The following CHRNA4 variants were observed in gnomAD, a reference collection of about 807,000 sequenced individuals.
CHRNA4 encodes neuronal acetylcholine receptor subunit alpha-4.
A neutral mutation model predicts 48.9 loss-of-function variants in CHRNA4; 28 were observed. The ratio of observed to expected loss-of-function variants is 0.57; its 90% CI spans 0.42 to 0.79. The LOEUF (loss-of-function observed/expected upper bound fraction) is 0.79. Among genes scored for constraint, CHRNA4 ranks in the 30% least tolerant of loss-of-function variants. The pLI is 0.00. For synonymous variants in CHRNA4, 425 were observed against 402.3 expected (o/e 1.06, Z -0.68); for missense variants, 859 against 898.4 (o/e 0.96, Z 0.56).
intron 1 of CHRNA4, 126 bp downstream of exon 1, chr20:63,360,964 G>T: frequency 1.3e-6 from 1 of 771,658 alleles, no homozygotes; most frequent in Non-Finnish European, 1.8e-6. Context: ...GGAGCCTCGC[G>T]GTCGCCCAGT....
At chr20:63,355,499 T>A in intron 4 of CHRNA4, 1 of 1,289,610 alleles carries the variant, frequency 7.8e-7, no homozygotes, top group Non-Finnish European at 1.0e-6. Flanking sequence ...TCCTCACCCC[T>A]CTCCAGGGCA....
rs763312247 is a variant in CHRNA4, at chr20:63,343,601, C to A, written c.*3137G>T. The A allele has an allele frequency of 2.2e-6, 1 of 454,072 alleles. No homozygotes were observed. Among genetic ancestry groups the A allele is most frequent in the East Asian group, 6.9e-5 (1 of 14,400 alleles). 28.1% of individuals were successfully genotyped at this position (454,072 alleles called of 1,614,324 possible). On this transcript the variant is annotated 3_prime_UTR_variant, in exon 6 of 6. Coordinates refer to ENST00000370263, the MANE Select transcript of CHRNA4 (RefSeq NM_000744.7). ...CAGCCATTGAGAGATTACCACGCTTCCTGAGAGGAGGGCCACGTCGCCCCA... is the reference window on the plus strand; with the variant it reads ...CAGCCATTGAGAGATTACCACGCTTACTGAGAGGAGGGCCACGTCGCCCCA...
At chr20:63,349,480 G>A (rs893509603) in intron 5 of CHRNA4, 173 bp downstream of exon 5, 28 of 852,094 alleles carry the variant, frequency 3.3e-5, no homozygotes, top group Admixed American at 1.6e-4. Context: ...TGGGACCTGC[G>A]GCCACATAGC....
chr20:63,350,638 G>C lies in CHRNA4; in HGVS notation c.773C>G (p.Ser258Cys). The change falls in exon 5 of 6, where the codon TCC (serine) becomes TGC (cysteine). Residue 258 changes from serine (S) to cysteine (C), a missense_variant. This residue lies in a region of CHRNA4 where 342 missense variants were observed against 365.3 expected (regional missense o/e 0.94). Transcript: ENST00000370263. ...GTAGAAGACCAGCACGGTGAGGCAGGAGATGAGCAGGCAGGGGATGATGAG... is the reference window on the plus strand; with the variant it reads ...GTAGAAGACCAGCACGGTGAGGCAGCAGATGAGCAGGCAGGGGATGATGAG... Reference protein sequence around the residue: ...INLIIPCLLISCLTVLVFYLP... With the variant: ...INLIIPCLLICCLTVLVFYLP... 1 of 1,614,070 alleles carries C rather than the reference G, an allele frequency of 6.2e-7. No individual in the cohort carries two copies. The highest frequency in any genetic ancestry group is 8.5e-7 in the Non-Finnish European group (1 of 1,180,028).
At position 63,350,054 on chromosome 20, in the gene CHRNA4, G is replaced by C; in HGVS notation, c.1357C>G (p.His453Asp). The change falls in exon 5 of 6, where the codon CAC (histidine) becomes GAC (aspartate). Residue 453 changes from histidine to aspartate, a missense_variant. His to Asp is a moderately conservative substitution (Grantham distance 81). Coordinates refer to ENST00000370263, the MANE Select transcript of CHRNA4 (RefSeq NM_000744.7). The part of the protein sequence containing the change: ...HPSPGPCRPP[H>D]GTQAPGLAKA... ...GCCAGCCCTGGTGCCTGGGTGCCGT[G>C]GGGCGGGCGGCAGGGTCCAGGCGAG... 6.6e-7 allele frequency: 1 copy of C among 1,511,918 alleles called. No homozygotes were observed. Among genetic ancestry groups the C allele is most frequent in the Non-Finnish European group, 8.9e-7 (1 of 1,128,986 alleles). The allele number at this position is 1,511,918 out of a possible 1,614,324, so 93.7% of individuals were successfully genotyped here.
rs2068434309 is a variant in CHRNA4 at position 63,343,299 on chromosome 20, G to A, written c.*3439C>T. The stretch of plus-strand genomic sequence containing the variant: ...TTCCAGGGCTTGGCAGACATTGCCT[G>A]CAGAAGCCGGGCGGCCGCACCTGGG... On this transcript the variant is annotated 3_prime_UTR_variant, in exon 6 of 6. Transcript: ENST00000370263. The A allele has an allele frequency of 4.5e-6, 2 of 445,972 alleles. No individual in the cohort carries two copies. 27.6% of individuals were successfully genotyped at this position (445,972 alleles called of 1,614,324 possible). A position where few individuals can be genotyped will look rare whatever the true frequency, so the allele number is the denominator to read the frequency against.
chr20:63,346,852 G>A lies in CHRNA4; in HGVS notation c.1770C>T (p.Asp590=). The change falls in exon 6 of 6, where the codon GAC becomes GAT. Residue 590 remains aspartate, a synonymous_variant. Coordinates refer to ENST00000370263, the MANE Select transcript of CHRNA4 (RefSeq NM_000744.7). ...AEDTDFSVKE[D]WKYVAMVIDR... ...CGATGACCATGGCCACGTACTTCCA[G>A]TCCTCCTTCACCTGCAAGCACAGAC... 1 of 1,612,562 alleles carries A rather than the reference G, an allele frequency of 6.2e-7. No homozygotes were observed. The highest frequency in any genetic ancestry group is 1.1e-5 in the South Asian group (1 of 91,070).
intron 2 of CHRNA4, among the ~76,000 whole-genome samples, chr20:63,357,814 T>TGC (rs1230128874): frequency 6.6e-6 from 1 of 152,146 alleles, no homozygotes; most frequent in Non-Finnish European, 1.5e-5. Flanking sequence ...CACGTGTGCA[T>TGC]GTTCGTGTAA....
chr20:63,355,995 C>T lies in CHRNA4; in HGVS notation c.363G>A (p.Pro121=), dbSNP rs149936966. 4.2e-5 allele frequency: 67 copies of T among 1,611,492 alleles called. No homozygotes were observed. The Admixed American group carries it at 8.3e-4, about 20-fold the overall frequency. ...IRIPSELIWR[P]DIVLYNNADG... ...CTCACTTGTTGTAGAGGACGATGTC[C>T]GGCCGCCAGATGAGCTCGGAGGGGA... The change falls in exon 4 of 6, where the codon CCG becomes CCA. Residue 121 remains proline, a synonymous_variant. Transcript: ENST00000370263.
At chr20:63,355,618 C>T (rs1250346609) in intron 4 of CHRNA4, 20 of 1,308,968 alleles carry the variant, frequency 1.5e-5, no homozygotes, top group East Asian at 1.5e-4. Context: ...GGGGCAAAGA[C>T]GTCGCGGGTC....
intron 2 of CHRNA4, chr20:63,356,658 G>A: frequency 1.7e-6 from 1 of 588,942 alleles, no homozygotes; most frequent in Non-Finnish European, 3.0e-6. Context: ...CTGGAGAGGA[G>A]TCGGCGGCCT....
intron 4 of CHRNA4, 62 bp from the exon 5 acceptor site, chr20:63,351,089 GC>G: frequency 6.5e-7 from 1 of 1,541,294 alleles, no homozygotes; most frequent in Non-Finnish European, 8.8e-7. Flanking sequence ...CCACACCCAC[GC>G]CCACTGCCAC....
rs201158269 is a variant in CHRNA4 at position 63,343,347 on chromosome 20, G to A, written c.*3391C>T. ...GGGCTCGGCGGGCCACACGGTCGGCGGGGCTTGGTCCATGGGGCTGGCCGG... is the reference window on the plus strand; with the variant it reads ...GGGCTCGGCGGGCCACACGGTCGGCAGGGCTTGGTCCATGGGGCTGGCCGG... On this transcript the variant is annotated 3_prime_UTR_variant, in exon 6 of 6. Coordinates refer to ENST00000370263, the MANE Select transcript of CHRNA4 (RefSeq NM_000744.7). 2.5e-4 allele frequency: 111 copies of A among 452,710 alleles called. No individual in the cohort carries two copies. Among genetic ancestry groups the A allele is most frequent in the Middle Eastern group, 1.4e-3 (2 of 1,436 alleles). The allele number at this position is 452,710 out of a possible 1,614,324, so 28.0% of individuals were successfully genotyped here.
At chr20:63,352,444 G>A (rs992018798) in intron 4 of CHRNA4, among the ~76,000 whole-genome samples, 9 of 152,128 alleles carry the variant, frequency 5.9e-5, no homozygotes, top group African/African-American at 1.9e-4. Context: ...CTGGGCTGCC[G>A]CTCAGCTGCA....
At chr20:63,355,464 A>G in intron 4 of CHRNA4, 1 of 1,214,876 alleles carries the variant, frequency 8.2e-7, no homozygotes, top group Non-Finnish European at 1.1e-6. Flanking sequence ...CAGAGGCCCT[A>G]GTGGCATGAG....
intron 2 of CHRNA4, among the ~76,000 whole-genome samples, chr20:63,357,574 C>T (rs1419552160): frequency 6.6e-6 from 1 of 152,256 alleles, no homozygotes; most frequent in East Asian, 1.9e-4. Flanking sequence ...CACAAGCCCT[C>T]CCCTCCAGGA....
intron 1 of CHRNA4, among the ~76,000 whole-genome samples, chr20:63,360,321 A>G (rs2068796148): frequency 6.6e-6 from 1 of 152,044 alleles, no homozygotes; most frequent in Non-Finnish European, 1.5e-5. Context: ...GGAGTGTTTC[A>G]GATGCAGACC....
At chr20:63,357,064 T>TCCACGGACCACGTCC (rs1287865494) in intron 2 of CHRNA4, among the ~76,000 whole-genome samples, 2 of 94,650 alleles carry the variant, frequency 2.1e-5, no homozygotes, top group African/African-American at 8.5e-5. Context: ...GGACCACATC[T>TCCACGGACCACGTCC]CCACGGACCA....
In CHRNA4 at chr20:63,343,242, T is replaced by G. The variant is rs1022490345; in HGVS notation, c.*3496A>C. ...CACACGTGGTGACGGTGCGTTTTAT[T>G]CATTGAAGTCTGTGCACACACTGGG... On this transcript the variant is annotated 3_prime_UTR_variant, in exon 6 of 6. Coordinates refer to ENST00000370263, the MANE Select transcript of CHRNA4 (RefSeq NM_000744.7). The G allele has an allele frequency of 4.5e-5, 18 of 402,546 alleles. No homozygotes were observed. Among genetic ancestry groups the G allele is most frequent in the African/African-American group, 4.1e-5 (2 of 48,362 alleles). 24.9% of individuals were successfully genotyped at this position (402,546 alleles called of 1,614,324 possible).
Sources: allele counts gnomAD v4.1 joint callset (sites outside exome capture counted in the v4.1 genomes callset), GRCh38; gene constraint gnomAD v4.1.1; regional missense constraint gnomAD v4.1.1; transcripts MANE v1.5; gene names NCBI Gene and HGNC (gene_info 2026-07-23, HGNC 2026-07-21).